The following BIRC6 variants were observed in gnomAD, a reference collection of about 807,000 sequenced individuals.
BIRC6 encodes the protein dual E2 ubiquitin-conjugating enzyme/E3 ubiquitin-protein ligase BIRC6.
Under a neutral mutation model 503.3 loss-of-function variants are expected in BIRC6, and 98 were observed. The ratio of observed to expected loss-of-function variants is 0.19; its 90% confidence interval spans 0.17 to 0.23. The LOEUF (loss-of-function observed/expected upper bound fraction) is 0.23, where lower values mean the gene tolerates loss of function less well. BIRC6 is among the 10% of genes least tolerant of loss of function. The probability of loss-of-function intolerance (pLI) is 1.00; values close to 1 mark genes in which losing one functional copy is unlikely to be tolerated. For missense variants in BIRC6, 5,360 were observed against 5,806.0 expected, an observed-to-expected ratio of 0.92 and a Z score of 2.50; for synonymous variants, 2,240 against 2,078.7, an observed-to-expected ratio of 1.08 and a Z score of -2.11.
At chr2:32,429,796 C>T (rs1304195039) in intron 11 of BIRC6, among the ~76,000 whole-genome samples, 1 of 152,104 alleles carries the variant, frequency 6.6e-6, no homozygotes, top group African/African-American at 2.4e-5. Flanking sequence ...CATTATTTGC[C>T]TTGTAGACTT....
At chr2:32,586,529 C>T (rs1047672578) in intron 66 of BIRC6, among the ~76,000 whole-genome samples, 1 of 148,780 alleles carries the variant, frequency 6.7e-6, no homozygotes, top group Non-Finnish European at 1.5e-5. Context: ...CAGAGCGATC[C>T]TCCCACCTTG....
intron 57 of BIRC6, chr2:32,522,049 C>T (rs1297682337): frequency 6.6e-6 from 1 of 151,938 alleles, no homozygotes; most frequent in Non-Finnish European, 1.5e-5. Flanking sequence ...GTTTGACACC[C>T]CAAATCTGTG....
At chr2:32,370,090 C>T (rs182596135) in intron 1 of BIRC6, among the ~76,000 whole-genome samples, 26 of 148,422 alleles carry the variant, frequency 1.8e-4, no homozygotes, top group East Asian at 9.9e-4. Context: ...ACAGCACGCA[C>T]GGGTGTGCCA....
At chr2:32,507,106 T>TC (rs750146908) in intron 50 of BIRC6, among the ~76,000 whole-genome samples, 88 of 152,206 alleles carry the variant, frequency 5.8e-4, no homozygotes, top group Admixed American at 1.1e-3. Context: ...AATTGATTTT[T>TC]TAAAAAAAAT....
chr2:32,569,864 C>T (rs1485636182), intron 65 of BIRC6, among the ~76,000 whole-genome samples: 1 of 152,060 alleles, frequency 6.6e-6, no homozygotes, highest in Non-Finnish European at 1.5e-5. Flanking sequence ...ATCATATCCT[C>T]AGCAAACAGG....
chr2:32,442,486 T>G, intron 19 of BIRC6, 31 bp downstream of exon 19: 2 of 1,563,026 alleles, frequency 1.3e-6, no homozygotes, highest in Non-Finnish European at 1.7e-6. Context: ...AAAGCATACT[T>G]TCTAGGTACA....
chr2:32,604,799 A>G (rs1282714981), intron 71 of BIRC6, among the ~76,000 whole-genome samples: 2 of 152,002 alleles, frequency 1.3e-5, no homozygotes, highest in Non-Finnish European at 2.9e-5. Flanking sequence ...TCACGTCACA[A>G]GGGTTTGCTA....
Position 32,357,057 on chromosome 2 carries a change from T to C in BIRC6, c.-105T>C, listed in dbSNP as rs979400105. On this transcript the variant is annotated 5_prime_UTR_variant, in exon 1 of 74. Coordinates refer to ENST00000421745, the MANE Select transcript of BIRC6 (RefSeq NM_016252.4). The surrounding 1 kb of genome is among the most constrained non-coding windows in gnomAD (Gnocchi z 4.9). ...TGCTTCTCCCCCTCTCCCGTCAGCC[T>C]CCCTCCGAGTTTGGCCCCTCCGGCC... 5.0e-6 allele frequency: 5 copies of C among 1,006,480 alleles called. No individual in the cohort carries two copies. Among genetic ancestry groups the C allele is most frequent in the African/African-American group, 1.7e-5 (1 of 57,668 alleles). The allele number at this position is 1,006,480 out of a possible 1,614,324, so 62.3% of individuals were successfully genotyped here.
chr2:32,518,818 T>C lies in BIRC6; in HGVS notation c.11495T>C (p.Leu3832Pro). ...VTMFLQSPCP[L>P]YKGRINATSH... ...TTTCTTTGATTTCTTGATTTTCAGCTGTACAAAGGTAGAATTAATGCTACT... is the reference window on the plus strand; with the variant it reads ...TTTCTTTGATTTCTTGATTTTCAGCCGTACAAAGGTAGAATTAATGCTACT... Residue 3832 changes from leucine to proline, a missense_variant and splice_region_variant, in exon 57 of 74, where the codon CTG (leucine) becomes CCG (proline). By Grantham distance (98) the Leu-to-Pro change is moderately conservative. Around this residue, in one of 16 missense-constraint regions of BIRC6, gnomAD observed 878 missense variants for 928.9 expected, o/e 0.95. Transcript: ENST00000421745. 1 of 1,611,888 alleles carries C rather than the reference T, an allele frequency of 6.2e-7. No homozygotes were observed. The highest frequency in any genetic ancestry group is 8.5e-7 in the Non-Finnish European group (1 of 1,178,770).
At chr2:32,447,648 A>C (rs1444496677) in intron 21 of BIRC6, among the ~76,000 whole-genome samples, 1 of 77,980 alleles carries the variant, frequency 1.3e-5, no homozygotes, top group Non-Finnish European at 2.6e-5. Context: ...CTGGCCGGGC[A>C]GGGGGCTGAC....
At chr2:32,421,272 A>T (rs1217240017) in intron 10 of BIRC6, among the ~76,000 whole-genome samples, 1 of 151,604 alleles carries the variant, frequency 6.6e-6, no homozygotes, top group East Asian at 1.9e-4. Context: ...ACGCCCAGCT[A>T]ATTTTTGTAT....
chr2:32,415,335 G>A lies in BIRC6; in HGVS notation c.2044G>A (p.Asp682Asn), dbSNP rs547539315. 15 of 1,613,988 alleles carry A rather than the reference G, an allele frequency of 9.3e-6. No individual in the cohort carries two copies. The South Asian group carries it at 1.6e-4, about 18-fold the overall frequency. ...TAGTCAGGAGCAGTTGTTATTGCAGGATCCTCCTGTGACTTACATTCAGCA... is the reference window on the plus strand; with the variant it reads ...TAGTCAGGAGCAGTTGTTATTGCAGAATCCTCCTGTGACTTACATTCAGCA... ...LDSQEQLLLQ[D>N]PPVTYIQQFA... The change falls in exon 10 of 74, where the codon GAT (aspartate) becomes AAT (asparagine). Residue 682 changes from aspartate (D) to asparagine (N), a missense_variant. This residue lies in a region of BIRC6 where 700 missense variants were observed against 739.3 expected (regional missense o/e 0.95). Coordinates refer to ENST00000421745, the MANE Select transcript of BIRC6 (RefSeq NM_016252.4).
intron 10 of BIRC6, among the ~76,000 whole-genome samples, chr2:32,425,446 T>C (rs183739134): frequency 2.6e-5 from 4 of 152,028 alleles, no homozygotes; most frequent in Admixed American, 6.5e-5. Context: ...TTTTTTTTTT[T>C]TTTCTCCTGT....
chr2:32,439,074 T>G (rs1266448842), intron 15 of BIRC6, among the ~76,000 whole-genome samples: 1 of 152,220 alleles, frequency 6.6e-6, no homozygotes, highest in African/African-American at 2.4e-5. Context: ...TAATGCTATG[T>G]GTATATGTGC....
At chr2:32,488,819 C>G (rs2051317896) in intron 42 of BIRC6, 105 bp downstream of exon 42, 1 of 813,810 alleles carries the variant, frequency 1.2e-6, no homozygotes, top group Non-Finnish European at 1.8e-6. Context: ...TTATAACATT[C>G]TAGTGGGGAA....
At chr2:32,513,992 G>C (rs1299159630) in intron 54 of BIRC6, among the ~76,000 whole-genome samples, 4 of 4,056 alleles carry the variant, frequency 9.9e-4, no homozygotes. Context: ...AATTGTTTGA[G>C]TCTGCAGAAG....
chr2:32,590,698 T>C, intron 66 of BIRC6: 1 of 788,464 alleles, frequency 1.3e-6, no homozygotes, highest in Non-Finnish European at 1.5e-6. Flanking sequence ...AGCCAAAATT[T>C]GTTTAACTAA....
chr2:32,400,485 C>T (rs1454087941), intron 6 of BIRC6, among the ~76,000 whole-genome samples: 1 of 151,554 alleles, frequency 6.6e-6, no homozygotes, highest in Non-Finnish European at 1.5e-5. Flanking sequence ...ATTACGGGCG[C>T]CCACCACCAT....
At chr2:32,519,034 T>A in intron 57 of BIRC6, 88 bp downstream of exon 57, 1 of 1,321,750 alleles carries the variant, frequency 7.6e-7, no homozygotes, top group Admixed American at 2.1e-5. Context: ...ATTTTCTGCA[T>A]CCACTTTGCA....
Sources: gnomAD v4.1 joint callset for allele counts (sites outside exome capture counted in the v4.1 genomes callset) on GRCh38, gnomAD v4.1.1 for gene constraint, gnomAD v4.1.1 regional missense constraint, Gnocchi (gnomAD v3.1) non-coding constraint, MANE v1.5 for transcripts, NCBI Gene and HGNC (gene_info 2026-07-23, HGNC 2026-07-21) for gene names.